Variants in HTRA1 observed in about 807,000 individuals in gnomAD.
HTRA1 encodes the protein HtrA serine peptidase 1, also known as serine protease HTRA1.
HTRA1 carries 26 observed loss-of-function variants against 49.7 expected under a neutral mutation model. The ratio of observed to expected loss-of-function variants is 0.52; its 90% CI spans 0.38 to 0.73. HTRA1 has a LOEUF of 0.73. Among genes scored for constraint, HTRA1 ranks in the 30% least tolerant of loss-of-function variants. The pLI, the probability that HTRA1 is intolerant of heterozygous loss-of-function variation, is 0.00. For missense variants in HTRA1, 561 were observed against 667.2 expected (o/e 0.84, Z 1.75); for synonymous variants, 291 against 286.9 (o/e 1.01, Z -0.14).
intron 3 of HTRA1, among the ~76,000 whole-genome samples, chr10:122,505,490 G>T (rs576799777): frequency 3.3e-5 from 5 of 152,272 alleles, no homozygotes; most frequent in Admixed American, 6.5e-5. Context: ...TTCAAACCCT[G>T]CTCTGTCTCG....
chr10:122,489,408 C>A lies in HTRA1; in HGVS notation c.573-14C>A. 6.2e-7 allele frequency: 1 copy of A among 1,613,416 alleles called. No individual in the cohort carries two copies. Among genetic ancestry groups the A allele is most frequent in the Non-Finnish European group, 8.5e-7 (1 of 1,179,374 alleles). On this transcript the variant is annotated splice_polypyrimidine_tract_variant and intron_variant, in intron 2 of 8. Transcript: ENST00000368984. ...GGTGCTACAGGCTTAAGTGTGTACT[C>A]CTTTGGATTTTAGGCTTCCGTTTTC...
At chr10:122,504,269 G>C (rs1364390730) in intron 3 of HTRA1, among the ~76,000 whole-genome samples, 1 of 152,224 alleles carries the variant, frequency 6.6e-6, no homozygotes, top group Non-Finnish European at 1.5e-5. Flanking sequence ...TGGAAAAGAA[G>C]AGCTGGAAGG....
At chr10:122,501,453 G>A (rs549468633) in intron 3 of HTRA1, among the ~76,000 whole-genome samples, 7 of 152,302 alleles carry the variant, frequency 4.6e-5, no homozygotes, top group Non-Finnish European at 1.0e-4. Flanking sequence ...ACATTGTTAG[G>A]TGCTTGTATT....
intron 3 of HTRA1, among the ~76,000 whole-genome samples, chr10:122,498,741 G>A (rs1356879291): frequency 6.6e-6 from 1 of 152,236 alleles, no homozygotes; most frequent in East Asian, 1.9e-4. Context: ...CATGTGACCC[G>A]TGTACTCACA....
At chr10:122,468,291 A>G (rs917164842) in intron 1 of HTRA1, among the ~76,000 whole-genome samples, 1 of 152,240 alleles carries the variant, frequency 6.6e-6, no homozygotes, top group African/African-American at 2.4e-5. Context: ...AATAGCAGAT[A>G]CATACGTAGC....
At chr10:122,462,213 A>G in intron 1 of HTRA1, 89 bp downstream of exon 1, 1 of 1,175,896 alleles carries the variant, frequency 8.5e-7, no homozygotes, top group Non-Finnish European at 1.2e-6. Context: ...GTTGAGGGGC[A>G]GCGAAGCGTT....
rs115341332 is a variant in HTRA1, at chr10:122,502,127, G to T, written c.778-4564G>T. 9.3e-3 allele frequency among the ~76,000 whole-genome samples: 1,413 copies of T among 152,078 alleles called. 26 individuals are homozygous for T. The highest frequency in any genetic ancestry group is 0.032 in the African/African-American group (1,342 of 41,462). On this transcript the variant is annotated intron_variant, in intron 3 of 8. Transcript: ENST00000368984. ...GAGGTGGACTTTGTGTTTTCTTACT[G>T]CTCTGTGTCCTGGTGGCTTGTTTGT... is the stretch of plus-strand genomic sequence containing the variant.
rs543498042 is a variant in HTRA1, at chr10:122,513,439, A to C, written c.1275-752A>C. On this transcript the variant is annotated intron_variant, in intron 8 of 8. Transcript: ENST00000368984. ...CTTGACCTTTGATCTCCTTGGGGTC[A>C]TAAAGCCACACAAGTGTTAGTAGGC... Among the ~76,000 whole-genome samples, 14 of 152,214 alleles carry C rather than the reference A, an allele frequency of 9.2e-5. No individual in the cohort carries two copies. The South Asian group carries it at 2.9e-3, about 32-fold the overall frequency.
At chr10:122,510,251 C>T in intron 7 of HTRA1, 98 bp downstream of exon 7, 1 of 913,822 alleles carries the variant, frequency 1.1e-6, no homozygotes, top group Non-Finnish European at 1.8e-6. Flanking sequence ...CTTATGCTGC[C>T]TTAAGACGTC....
chr10:122,504,850 G>A (rs2097502399), intron 3 of HTRA1, among the ~76,000 whole-genome samples: 1 of 152,246 alleles, frequency 6.6e-6, no homozygotes, highest in Admixed American at 6.5e-5. Context: ...ATGGGGCTGA[G>A]TAGAGATGCG....
rs2097481536 is a variant in HTRA1, at chr10:122,461,857, G to T, written c.205G>T (p.Gly69Cys). 2 of 1,193,734 alleles carry T rather than the reference G, an allele frequency of 1.7e-6. No homozygotes were observed. Among genetic ancestry groups the T allele is most frequent in the African/African-American group, 1.6e-5 (1 of 61,902 alleles). The allele number at this position is 1,193,734 out of a possible 1,614,324, so 73.9% of individuals were successfully genotyped here. The change falls in exon 1 of 9, where the codon GGC becomes TGC. Residue 69 changes from glycine to cysteine, a missense_variant. By Grantham distance (159) the Gly-to-Cys change is radical (BLOSUM62 -3). Transcript: ENST00000368984. The part of the protein sequence containing the change: ...RDACGCCEVC[G>C]APEGAACGLQ... Reference sequence around the variant, plus strand: ...CGCGTGCGGCTGCTGCGAGGTGTGCGGCGCGCCCGAGGGCGCCGCGTGCGG... The same window carrying T: ...CGCGTGCGGCTGCTGCGAGGTGTGCTGCGCGCCCGAGGGCGCCGCGTGCGG...
chr10:122,469,057 A>G (rs951283282), intron 1 of HTRA1, among the ~76,000 whole-genome samples: 1 of 152,138 alleles, frequency 6.6e-6, no homozygotes, highest in African/African-American at 2.4e-5. Context: ...TGTGCACACA[A>G]AAGTCTCCGA....
chr10:122,478,747 C>T (rs1462602564), intron 1 of HTRA1, among the ~76,000 whole-genome samples: 3 of 152,184 alleles, frequency 2.0e-5, no homozygotes, highest in Non-Finnish European at 4.4e-5. Flanking sequence ...TCCTGAGATG[C>T]TTTTCTGTGC....
intron 5 of HTRA1, 77 bp from the exon 6 acceptor site, chr10:122,508,579 C>A: frequency 1.1e-6 from 1 of 932,426 alleles, no homozygotes; most frequent in Non-Finnish European, 1.8e-6. Context: ...GGACTTCTTT[C>A]AGGCATATTC....
rs1215592402 is a variant in HTRA1, at chr10:122,491,296, G to A, written c.777+1670G>A. Among the ~76,000 whole-genome samples, 11 of 152,334 alleles carry A rather than the reference G, an allele frequency of 7.2e-5. No individual in the cohort carries two copies. In the South Asian group the frequency reaches 1.0e-3, roughly 14 times the overall value. ...GGCTACTGCTGGAGGGATAGAGGCC[G>A]GCCCCGTGGTTTGATGGGACAGCTT... On this transcript the variant is annotated intron_variant, in intron 3 of 8. Coordinates refer to ENST00000368984, the MANE Select transcript of HTRA1 (RefSeq NM_002775.5).
At chr10:122,488,536 T>C (rs2097494115) in intron 1 of HTRA1, among the ~76,000 whole-genome samples, 1 of 152,138 alleles carries the variant, frequency 6.6e-6, no homozygotes, top group Non-Finnish European at 1.5e-5. Flanking sequence ...CACTCCAGCC[T>C]GGGTGACAGA....
At chr10:122,493,296 G>A (rs1417982619) in intron 3 of HTRA1, among the ~76,000 whole-genome samples, 1 of 152,194 alleles carries the variant, frequency 6.6e-6, no homozygotes, top group South Asian at 2.1e-4. Flanking sequence ...TGGGACCCAC[G>A]ACTGGGGCCA....
chr10:122,491,233 C>G (rs1364954138), intron 3 of HTRA1, among the ~76,000 whole-genome samples: 1 of 152,204 alleles, frequency 6.6e-6, no homozygotes, highest in Non-Finnish European at 1.5e-5. Context: ...GGCCACACAG[C>G]AAACACCTCA....
intron 3 of HTRA1, among the ~76,000 whole-genome samples, chr10:122,505,273 G>T (rs1011403834): frequency 7.9e-5 from 12 of 152,114 alleles, no homozygotes; most frequent in Admixed American, 2.0e-4. Context: ...GGTCCTCTTG[G>T]TATCTGTGAT....
Sources: gnomAD v4.1 joint callset for allele counts (sites outside exome capture counted in the v4.1 genomes callset) on GRCh38, gnomAD v4.1.1 for gene constraint, MANE v1.5 for transcripts, NCBI Gene and HGNC (gene_info 2026-07-23, HGNC 2026-07-21) for gene names.